The following PTH2R variants were observed in gnomAD, a reference collection of about 807,000 sequenced individuals.
The protein encoded by PTH2R is parathyroid hormone 2 receptor, also known as PTH2 receptor.
In PTH2R, 59 loss-of-function variants were observed where a neutral mutation model predicts 60.3. The ratio of observed to expected loss-of-function variants is 0.98; its 90% CI spans 0.79 to 1.22. PTH2R has a LOEUF of 1.22. Among genes scored for constraint, PTH2R ranks in the 50% most tolerant of loss-of-function variants. The probability of loss-of-function intolerance (pLI) is 0.00; values close to 1 mark genes in which losing one functional copy is unlikely to be tolerated. For synonymous variants in PTH2R, 256 were observed against 243.8 expected (o/e 1.05, Z -0.47); for missense variants, 749 against 682.6 (o/e 1.10, Z -1.08).
upstream of PTH2R, among the ~76,000 whole-genome samples, chr2:208,405,742 C>T (rs1701389468): frequency 6.6e-6 from 1 of 152,092 alleles, no homozygotes; most frequent in African/African-American, 2.4e-5. Flanking sequence ...AGTTCTAGTC[C>T]TTAAGGTGAT....
upstream of PTH2R, chr2:208,406,707 A>T: frequency 4.6e-6 from 1 of 217,784 alleles, no homozygotes; most frequent in Non-Finnish European, 9.0e-6. Context: ...GCGCGAGCGC[A>T]GCCGCGCGGG....
At chr2:208,422,214 A>G (rs1701770171) in intron 1 of PTH2R, among the ~76,000 whole-genome samples, 1 of 152,286 alleles carries the variant, frequency 6.6e-6, no homozygotes, top group Non-Finnish European at 1.5e-5. Flanking sequence ...TGAAACCTTC[A>G]ACAAATTAGA....
intron 1 of PTH2R, among the ~76,000 whole-genome samples, chr2:208,382,761 G>A (rs191402669): frequency 3.9e-5 from 6 of 152,258 alleles, no homozygotes; most frequent in Non-Finnish European, 7.4e-5. Context: ...CTGTACTTAC[G>A]GACTCCTGCG....
At chr2:208,458,050 G>A (rs2105885948) in intron 8 of PTH2R, among the ~76,000 whole-genome samples, 1 of 152,050 alleles carries the variant, frequency 6.6e-6, no homozygotes, top group East Asian at 1.9e-4. Flanking sequence ...TGCGTCTTTT[G>A]TTTCAAGTGT....
In PTH2R at chr2:208,462,997, G is replaced by A. The variant is rs77758423; in HGVS notation, c.981+3036G>A. Among the ~76,000 whole-genome samples the A allele has an allele frequency of 8.9e-3, 1,351 of 152,316 alleles. 24 individuals are homozygous for A. Among genetic ancestry groups the A allele is most frequent in the African/African-American group, 0.031 (1,297 of 41,564 alleles). On this transcript the variant is annotated intron_variant, in intron 9 of 12. Transcript: ENST00000272847. ...TCATTTGGAAAGATCTCAGGGCTTC[G>A]TTGAAGCTGGCAGTGGGTAACCACT...
rs760647861 is a variant in PTH2R, at chr2:208,490,680, G to C, written c.1257G>C (p.Glu419Asp). The change falls in exon 12 of 13, where the codon GAG becomes GAC. Residue 419 changes from glutamate to aspartate, a missense_variant and splice_region_variant. Coordinates refer to ENST00000272847, the MANE Select transcript of PTH2R (RefSeq NM_005048.4). Reference sequence around the variant, plus strand: ...TCATCTACTGCTACTGCAATGGAGAGGTAGGTTTGTAGGAACCTTGGACAG... The same window carrying C: ...TCATCTACTGCTACTGCAATGGAGACGTAGGTTTGTAGGAACCTTGGACAG... ...VSIIYCYCNGEVQAEVKKMWS... is the reference protein window; with the variant it reads ...VSIIYCYCNGDVQAEVKKMWS... The C allele has an allele frequency of 1.9e-6, 3 of 1,608,228 alleles. No homozygotes were observed. The highest frequency in any genetic ancestry group is 2.5e-6 in the Non-Finnish European group (3 of 1,178,434).
chr2:208,381,412 T>A (rs915819692), intron 1 of PTH2R, among the ~76,000 whole-genome samples: 3 of 152,106 alleles, frequency 2.0e-5, no homozygotes, highest in Admixed American at 2.0e-4. Context: ...TACAAATAAC[T>A]ATTCTTTACT....
intron 11 of PTH2R, 95 bp from the exon 12 acceptor site, chr2:208,490,544 A>C (rs1180705999): frequency 8.3e-7 from 1 of 1,210,418 alleles, no homozygotes; most frequent in Non-Finnish European, 1.2e-6. Context: ...GGAATCATAA[A>C]AAACAATTTT....
intron 1 of PTH2R, among the ~76,000 whole-genome samples, chr2:208,410,747 T>C (rs929006889): frequency 6.6e-6 from 1 of 151,558 alleles, no homozygotes; most frequent in Non-Finnish European, 1.5e-5. Context: ...TTTATGAACA[T>C]ATTCAGATAA....
intron 2 of PTH2R, among the ~76,000 whole-genome samples, chr2:208,429,840 A>T (rs1701935161): frequency 2.0e-5 from 3 of 152,192 alleles, no homozygotes; most frequent in Admixed American, 2.0e-4. Flanking sequence ...CAAACAGGAC[A>T]CACATAGAGT....
chr2:208,370,454 A>T (rs1700676801), intron 1 of PTH2R, among the ~76,000 whole-genome samples: 1 of 139,630 alleles, frequency 7.2e-6, no homozygotes, highest in South Asian at 2.1e-4. Flanking sequence ...AAAAAAAAAA[A>T]AAAAAAAAAA....
intron 1 of PTH2R, among the ~76,000 whole-genome samples, chr2:208,396,985 G>GA (rs1701221695): frequency 6.6e-6 from 1 of 152,120 alleles, no homozygotes; most frequent in South Asian, 2.1e-4. Flanking sequence ...CATAAAAAAG[G>GA]ATGAGTTTAT....
intron 8 of PTH2R, among the ~76,000 whole-genome samples, chr2:208,455,309 T>C (rs931103234): frequency 3.3e-5 from 5 of 152,168 alleles, no homozygotes; most frequent in African/African-American, 9.7e-5. Context: ...ATTTTAGAGA[T>C]GATAGGACTT....
chr2:208,409,400 G>C (rs1367449842), intron 1 of PTH2R, among the ~76,000 whole-genome samples: 1 of 152,066 alleles, frequency 6.6e-6, no homozygotes, highest in Non-Finnish European at 1.5e-5. Flanking sequence ...AATACATTCT[G>C]GGTATTATTT....
chr2:208,377,734 G>A (rs924563061), intron 1 of PTH2R, among the ~76,000 whole-genome samples: 4 of 151,564 alleles, frequency 2.6e-5, no homozygotes, highest in African/African-American at 4.9e-5. Context: ...CCTCCCAGAC[G>A]GGGTCGCGGC....
intron 1 of PTH2R, among the ~76,000 whole-genome samples, chr2:208,390,397 G>A (rs531715902): frequency 2.0e-5 from 3 of 152,162 alleles, no homozygotes; most frequent in Non-Finnish European, 4.4e-5. Context: ...TAAAGGTAAA[G>A]CCAATAAAGG....
intron 9 of PTH2R, among the ~76,000 whole-genome samples, chr2:208,480,453 A>G (rs1239212719): frequency 1.3e-5 from 2 of 152,174 alleles, no homozygotes; most frequent in African/African-American, 4.8e-5. Flanking sequence ...TCAGACAGAA[A>G]GGGGCTTATT....
chr2:208,414,059 C>T (rs2105839012), intron 1 of PTH2R, among the ~76,000 whole-genome samples: 1 of 152,272 alleles, frequency 6.6e-6, no homozygotes, highest in African/African-American at 2.4e-5. Flanking sequence ...CTTACTAGGG[C>T]CCACTGTTTT....
chr2:208,421,365 G>GTGT lies in PTH2R; in HGVS notation c.76-6836_76-6835insTGT, dbSNP rs1559214820. Among the ~76,000 whole-genome samples, 128 of 148,046 alleles carry GTGT rather than the reference G, an allele frequency of 8.6e-4. 2 individuals carry two copies. Among genetic ancestry groups the GTGT allele is most frequent in the African/African-American group, 3.0e-3 (120 of 40,668 alleles). ...GAAGCCAAGACATTTTCATATTGGG[G>GTGT]GTGTGTGTGTGTGTGTGTGTGTAGT... On this transcript the variant is annotated intron_variant, in intron 1 of 12. Coordinates refer to ENST00000272847, the MANE Select transcript of PTH2R (RefSeq NM_005048.4).
Sources: allele counts gnomAD v4.1 joint callset (sites outside exome capture counted in the v4.1 genomes callset), GRCh38; gene constraint gnomAD v4.1.1; transcripts MANE v1.5; gene names NCBI Gene and HGNC (gene_info 2026-07-23, HGNC 2026-07-21).